The following EYA1 variants were observed in gnomAD, a reference collection of about 807,000 sequenced individuals.
The protein encoded by EYA1 is protein phosphatase EYA1.
EYA1 carries 16 observed loss-of-function variants against 82.0 expected under a neutral mutation model. That is an observed-to-expected ratio of 0.20 (90% CI 0.13 to 0.30). The LOEUF (loss-of-function observed/expected upper bound fraction) is 0.30, where lower values mean the gene tolerates loss of function less well. Ranked by LOEUF, EYA1 falls within the 10% of genes least tolerant of loss-of-function variation. EYA1 has a pLI of 1.00. For missense variants in EYA1, 633 were observed against 730.7 expected (o/e 0.87, Z 1.54); for synonymous variants, 261 against 264.4 (o/e 0.99, Z 0.12).
intron 2 of EYA1, among the ~76,000 whole-genome samples, chr8:71,403,261 C>T (rs1294663106): frequency 6.6e-6 from 1 of 152,032 alleles, no homozygotes; most frequent in Non-Finnish European, 1.5e-5. Context: ...TATGATCAGA[C>T]AATTGGCAGA....
chr8:71,308,987 G>T (rs1821038612), intron 7 of EYA1, among the ~76,000 whole-genome samples: 1 of 152,194 alleles, frequency 6.6e-6, no homozygotes, highest in Admixed American at 6.5e-5. Context: ...GATCTATGTG[G>T]CAGAAGTTAG....
chr8:71,443,684 C>T (rs1806608604), intron 2 of EYA1, among the ~76,000 whole-genome samples: 1 of 152,220 alleles, frequency 6.6e-6, no homozygotes, highest in South Asian at 2.1e-4. Context: ...CTCACACCCA[C>T]TCCCCATATT....
intron 2 of EYA1, among the ~76,000 whole-genome samples, chr8:71,370,707 G>A (rs534149385): frequency 6.6e-6 from 1 of 151,996 alleles, no homozygotes; most frequent in African/African-American, 2.4e-5. Flanking sequence ...CTGCATCCTT[G>A]ACTTGGCAGG....
chr8:71,307,465 C>T (rs1479887752), intron 7 of EYA1, among the ~76,000 whole-genome samples: 8 of 152,262 alleles, frequency 5.3e-5, no homozygotes, highest in Admixed American at 2.0e-4. Context: ...CGTCCCACCA[C>T]ACTCGGCTGA....
At chr8:71,491,869 AG>A (rs1811019796) in intron 2 of EYA1, among the ~76,000 whole-genome samples, 1 of 152,238 alleles carries the variant, frequency 6.6e-6, no homozygotes. Flanking sequence ...TACTGAATAT[AG>A]CCAACACAAT....
chr8:71,513,964 T>G (rs764934270), intron 2 of EYA1, among the ~76,000 whole-genome samples: 27 of 152,166 alleles, frequency 1.8e-4, no homozygotes, highest in Non-Finnish European at 2.5e-4. Context: ...ACAAGATCTC[T>G]CATTCCTTTT....
At chr8:71,402,289 G>A (rs1435553638) in intron 2 of EYA1, among the ~76,000 whole-genome samples, 1 of 152,070 alleles carries the variant, frequency 6.6e-6, no homozygotes, top group Non-Finnish European at 1.5e-5. Flanking sequence ...AAAAGACGAA[G>A]TCCAGGGTTT....
intron 11 of EYA1, among the ~76,000 whole-genome samples, chr8:71,257,709 A>T (rs2128926640): frequency 6.6e-6 from 1 of 152,342 alleles, no homozygotes; most frequent in East Asian, 1.9e-4. Flanking sequence ...AACCCAGAGG[A>T]ACTCCTACAT....
chr8:71,543,713 G>A (rs142997553), intron 1 of EYA1, among the ~76,000 whole-genome samples: 5 of 152,160 alleles, frequency 3.3e-5, no homozygotes, highest in African/African-American at 1.2e-4. Flanking sequence ...ATTTTTAGGT[G>A]TAGAAATGAA....
chr8:71,547,949 G>A (rs1246858142), exon 1 of EYA1: 1 of 152,166 alleles, frequency 6.6e-6, no homozygotes, highest in Non-Finnish European at 1.5e-5. Context: ...GGCCGGGGCA[G>A]CGCTAAGAGG....
chr8:71,354,936 CA>C, intron 2 of EYA1, 27 bp from the exon 3 acceptor site: 2 of 1,610,198 alleles, frequency 1.2e-6, no homozygotes, highest in Non-Finnish European at 1.7e-6. Context: ...TTCCATTTGA[CA>C]GATGTACCAA....
intron 11 of EYA1, among the ~76,000 whole-genome samples, chr8:71,252,599 G>A (rs1396723846): frequency 6.6e-6 from 1 of 152,090 alleles, no homozygotes; most frequent in Non-Finnish European, 1.5e-5. Flanking sequence ...CCCAGAAGGG[G>A]CCATCACTGG....
chr8:71,544,075 G>A (rs1815360887), intron 1 of EYA1, among the ~76,000 whole-genome samples: 1 of 152,158 alleles, frequency 6.6e-6, no homozygotes, highest in South Asian at 2.1e-4. Flanking sequence ...AGACAGTAAT[G>A]GAGAAATCAT....
chr8:71,414,829 C>T lies in EYA1; in HGVS notation c.34-58318G>A, dbSNP rs576427385. On this transcript the variant is annotated intron_variant, in intron 2 of 18. Coordinates refer to the EYA1 transcript ENST00000643681. ...CCTTGGTCTCTGGAAAACCTGAGAA[C>T]TTCTTTCTAAAGTACAGAAAATCTT... 1.3e-4 allele frequency among the ~76,000 whole-genome samples: 20 copies of T among 152,284 alleles called. No homozygotes were observed. The South Asian group carries it at 4.2e-3, about 32-fold the overall frequency.
rs548946158 is a variant in EYA1 at position 71,259,900 on chromosome 8, C to A, written c.1050+9840G>T. On this transcript the variant is annotated intron_variant, in intron 11 of 17. Transcript: ENST00000340726. ...TAACTATGTTTTAAAAGATACTTCC[C>A]AAGATTTTTATTGTTGATTTAATAA... 5.0e-4 allele frequency among the ~76,000 whole-genome samples: 76 copies of A among 152,134 alleles called. 1 individual carries two copies. The highest frequency in any genetic ancestry group is 3.4e-3 in the Middle Eastern group (1 of 294).
intron 11 of EYA1, among the ~76,000 whole-genome samples, chr8:71,256,808 T>C (rs1814482142): frequency 6.6e-6 from 1 of 152,174 alleles, no homozygotes; most frequent in Non-Finnish European, 1.5e-5. Flanking sequence ...AAGACCAGCC[T>C]GACCAACGTG....
At chr8:71,225,421 C>G in intron 12 of EYA1, 3 of 382,384 alleles carry the variant, frequency 7.8e-6, no homozygotes, top group South Asian at 1.9e-5. Flanking sequence ...GGCCTTCACA[C>G]CATGATGCTT....
In EYA1 at chr8:71,399,253, G is replaced by T. The variant is rs533979423; in HGVS notation, c.34-42742C>A. Among the ~76,000 whole-genome samples the T allele has an allele frequency of 8.2e-4, 124 of 151,938 alleles. 1 individual carries two copies. Among genetic ancestry groups the T allele is most frequent in the Middle Eastern group, 6.8e-3 (2 of 294 alleles). Reference sequence around the variant, plus strand: ...ACCCCTTGTGCTTCCCGGGTGAAGCGATGCCCTGCCCTGCTCCATGGGCTG... The same window carrying T: ...ACCCCTTGTGCTTCCCGGGTGAAGCTATGCCCTGCCCTGCTCCATGGGCTG... On this transcript the variant is annotated intron_variant, in intron 2 of 18. Transcript: ENST00000643681.
intron 2 of EYA1, among the ~76,000 whole-genome samples, chr8:71,462,801 A>C (rs1179401913): frequency 6.6e-6 from 1 of 152,180 alleles, no homozygotes; most frequent in Non-Finnish European, 1.5e-5. Context: ...TGGTGCAGTC[A>C]GCTGCCTCAG....
Sources: allele counts gnomAD v4.1 joint callset (sites outside exome capture counted in the v4.1 genomes callset), GRCh38; gene constraint gnomAD v4.1.1; transcripts MANE v1.5; gene names NCBI Gene and HGNC (gene_info 2026-07-23, HGNC 2026-07-21).